CNST: variants seen among roughly 807,000 people sequenced by gnomAD.
The protein encoded by CNST is consortin, connexin sorting protein, also known as consortin.
CNST carries 39 observed loss-of-function variants against 72.4 expected under a neutral mutation model. The ratio of observed to expected loss-of-function variants is 0.54; its 90% CI spans 0.42 to 0.70. The LOEUF (loss-of-function observed/expected upper bound fraction) is 0.70. Among genes scored for constraint, CNST ranks in the 30% least tolerant of loss-of-function variants. The pLI, the probability that CNST is intolerant of heterozygous loss-of-function variation, is 0.00. For missense variants in CNST, 871 were observed against 868.5 expected, an observed-to-expected ratio of 1.00 and a Z score of -0.04; for synonymous variants, 332 against 320.1, an observed-to-expected ratio of 1.04 and a Z score of -0.40.
rs372449491 is a variant in CNST, at chr1:246,631,272, T to C, written c.586-622T>C. The stretch of plus-strand genomic sequence containing the variant: ...TTGGATCTCTTTATCTAGTGTTCTT[T>C]ACCATATGTAGCACTTTGTACATAT... On this transcript the variant is annotated intron_variant, in intron 3 of 10. Transcript: ENST00000366513. 2.6e-5 allele frequency among the ~76,000 whole-genome samples: 4 copies of C among 152,208 alleles called. No individual in the cohort carries two copies. The East Asian group carries it at 5.8e-4, about 22-fold the overall frequency.
intron 2 of CNST, among the ~76,000 whole-genome samples, chr1:246,603,225 G>A (rs1266100333): frequency 2.0e-5 from 3 of 152,062 alleles, no homozygotes; most frequent in East Asian, 3.9e-4. Context: ...TTTAAAATAC[G>A]GTATTTTATT....
chr1:246,644,123 G>A (rs544081724), intron 8 of CNST, among the ~76,000 whole-genome samples: 34 of 152,098 alleles, frequency 2.2e-4, no homozygotes, highest in Non-Finnish European at 3.5e-4. Flanking sequence ...TCATTTTGCC[G>A]GGCGCGATGG....
chr1:246,639,751 C>A (rs561543228), intron 6 of CNST, among the ~76,000 whole-genome samples: 17 of 152,268 alleles, frequency 1.1e-4, no homozygotes, highest in Admixed American at 4.6e-4. Context: ...CAAGAGTGCA[C>A]CAACCAACAG....
In CNST at chr1:246,647,135, T is replaced by G; in HGVS notation, c.938-4T>G. 1.2e-6 allele frequency: 2 copies of G among 1,603,192 alleles called. No individual in the cohort carries two copies. The highest frequency in any genetic ancestry group is 8.5e-7 in the Non-Finnish European group (1 of 1,175,766). On this transcript the variant is annotated splice_polypyrimidine_tract_variant and splice_region_variant and intron_variant, in intron 8 of 10. Coordinates refer to ENST00000366513, the MANE Select transcript of CNST (RefSeq NM_152609.3). ...TTTAACAATTTATTTTTCTTCATCT[T>G]TAGAGAGTAAAACTTGTCTCGGCAC... is the stretch of plus-strand genomic sequence containing the variant.
At chr1:246,572,085 C>A (rs749428819) in intron 1 of CNST, among the ~76,000 whole-genome samples, 25 of 152,066 alleles carry the variant, frequency 1.6e-4, no homozygotes, top group Non-Finnish European at 3.5e-4. Flanking sequence ...TGGCCAGTCA[C>A]AGCCATGCCT....
intron 2 of CNST, among the ~76,000 whole-genome samples, chr1:246,595,196 T>C (rs987893987): frequency 6.6e-6 from 1 of 152,142 alleles, no homozygotes; most frequent in Non-Finnish European, 1.5e-5. Flanking sequence ...TAGGATTCTT[T>C]TGGGTGTGGA....
chr1:246,636,617 T>C lies in CNST; in HGVS notation c.818+2030T>C, dbSNP rs1235764884. 5.3e-5 allele frequency among the ~76,000 whole-genome samples: 8 copies of C among 152,364 alleles called. No homozygotes were observed. The East Asian group carries it at 1.5e-3, about 29-fold the overall frequency. ...GGTTTTGAGACTTTTGCTTTGGCTA[T>C]AATCCATTCTCTCTTTCTGTCTTCG... On this transcript the variant is annotated intron_variant, in intron 6 of 10. Coordinates refer to ENST00000366513, the MANE Select transcript of CNST (RefSeq NM_152609.3).
chr1:246,573,342 T>C (rs1356809675), intron 1 of CNST, among the ~76,000 whole-genome samples: 1 of 152,364 alleles, frequency 6.6e-6, no homozygotes, highest in East Asian at 1.9e-4. Context: ...AAGATTGTCT[T>C]ATTACCATTA....
chr1:246,586,121 G>A (rs1365232460), intron 1 of CNST, among the ~76,000 whole-genome samples: 2 of 148,258 alleles, frequency 1.3e-5, no homozygotes, highest in Non-Finnish European at 3.0e-5. Flanking sequence ...ATGTGTGTGT[G>A]TGTGTGTGTG....
chr1:246,656,813 T>A (rs1295587738), intron 9 of CNST, among the ~76,000 whole-genome samples: 1 of 151,902 alleles, frequency 6.6e-6, no homozygotes, highest in East Asian at 1.9e-4. Flanking sequence ...GTGCCTGTAG[T>A]CCCAGCTACA....
chr1:246,658,065 A>G (rs1572252986), intron 9 of CNST, among the ~76,000 whole-genome samples: 1 of 152,230 alleles, frequency 6.6e-6, no homozygotes, highest in Non-Finnish European at 1.5e-5. Context: ...TGGAGAAAAT[A>G]GATCGTGAAG....
chr1:246,625,657 C>A (rs947679733), intron 3 of CNST, among the ~76,000 whole-genome samples: 1 of 151,682 alleles, frequency 6.6e-6, no homozygotes, highest in Non-Finnish European at 1.5e-5. Context: ...CTTGACCTCA[C>A]GATCCGCCCG....
At chr1:246,644,933 C>CA (rs781372956) in intron 8 of CNST, among the ~76,000 whole-genome samples, 16 of 152,182 alleles carry the variant, frequency 1.1e-4, no homozygotes, top group Non-Finnish European at 2.4e-4. Context: ...AGCCCAGTGT[C>CA]AAAGCAGGCA....
At chr1:246,609,090 G>A (rs895230561) in intron 2 of CNST, among the ~76,000 whole-genome samples, 1 of 152,152 alleles carries the variant, frequency 6.6e-6, no homozygotes, top group East Asian at 1.9e-4. Context: ...AGGGAGCATG[G>A]CACACTCAGC....
Position 246,647,440 on chromosome 1 carries a change from A to G in CNST, c.1239A>G (p.Arg413=), listed in dbSNP as rs757227083. 9 of 1,614,168 alleles carry G rather than the reference A, an allele frequency of 5.6e-6. 1 individual carries two copies. The South Asian group carries it at 9.9e-5, about 18-fold the overall frequency. The change falls in exon 9 of 11, where the codon AGA becomes AGG. Residue 413 remains arginine, a synonymous_variant. Transcript: ENST00000366513. ...CAGAGGCCTGCCAGGATGTGGCCAG[A>G]ATAGAGGGCATTGCTGAAGACCCTA... The part of the protein sequence containing the change: ...AQTEACQDVA[R]IEGIAEDPKV...
intron 3 of CNST, among the ~76,000 whole-genome samples, chr1:246,624,489 C>T (rs980317065): frequency 6.6e-6 from 1 of 152,238 alleles, no homozygotes; most frequent in Non-Finnish European, 1.5e-5. Flanking sequence ...CATTTAAACT[C>T]TATTCCTACT....
At chr1:246,617,810 C>A in intron 2 of CNST, among the ~76,000 whole-genome samples, 1 of 152,120 alleles carries the variant, frequency 6.6e-6, no homozygotes. Context: ...GCTAGTGTTA[C>A]TTTCCTATTT....
Position 246,665,852 on chromosome 1 carries a change from A to G in CNST, c.2125A>G (p.Thr709Ala). 6 of 1,614,020 alleles carry G rather than the reference A, an allele frequency of 3.7e-6. 2 individuals carry two copies. The South Asian group carries it at 6.6e-5, about 18-fold the overall frequency. ...TGCAGACAACATGGACTTCTATTAC[A>G]CTAAGTTACTTCAGGGAGTGGCAGA... ...DFADNMDFYY[T>A]KLLQGVAELK... Residue 709 changes from threonine to alanine, a missense_variant, in exon 11 of 11, where the codon ACT becomes GCT. Transcript: ENST00000366513.
At chr1:246,611,411 C>G (rs929368855) in intron 2 of CNST, among the ~76,000 whole-genome samples, 1 of 152,102 alleles carries the variant, frequency 6.6e-6, no homozygotes. Context: ...GCTTATGACA[C>G]TCAAGGCCTT....
Sources: gnomAD v4.1 joint callset for allele counts (sites outside exome capture counted in the v4.1 genomes callset) on GRCh38, gnomAD v4.1.1 for gene constraint, MANE v1.5 for transcripts, NCBI Gene and HGNC (gene_info 2026-07-23, HGNC 2026-07-21) for gene names.